Variants in ATP11C observed in about 807,000 individuals in gnomAD.
ATP11C encodes phospholipid-transporting ATPase IG.
Under a neutral mutation model 97.4 loss-of-function variants are expected in ATP11C, and 36 were observed. The ratio of observed to expected loss-of-function variants is 0.37; its 90% CI spans 0.28 to 0.49. ATP11C has a LOEUF of 0.49. Among genes scored for constraint, ATP11C ranks in the 20% least tolerant of loss-of-function variants. The probability of loss-of-function intolerance (pLI) is 0.98; values close to 1 mark genes in which losing one functional copy is unlikely to be tolerated. For missense variants in ATP11C, 730 were observed against 824.6 expected (o/e 0.89, Z 1.40); for synonymous variants, 275 against 290.9 (o/e 0.95, Z 0.56).
At chrX:139,780,374 T>C (rs2082426738) in intron 18 of ATP11C, among the ~76,000 whole-genome samples, 1 of 111,391 alleles carries the variant, frequency 9.0e-6, no homozygotes. Flanking sequence ...GTTTTATTCC[T>C]GGGATGCAAG....
chrX:139,814,748 A>G, intron 5 of ATP11C, 130 bp downstream of exon 5: 1 of 397,606 alleles, frequency 2.5e-6, no homozygotes, highest in Non-Finnish European at 4.2e-6. Flanking sequence ...TTTTCGGGTG[A>G]TGAAAATGTT....
intron 1 of ATP11C, among the ~76,000 whole-genome samples, chrX:139,864,512 T>C (rs945159134): frequency 8.9e-6 from 1 of 112,424 alleles, no homozygotes; most frequent in Admixed American, 9.5e-5. Context: ...ACTAGCAAGA[T>C]ATGTCATCTT....
chrX:139,841,716 T>C (rs989921603), intron 1 of ATP11C, among the ~76,000 whole-genome samples: 1 of 112,178 alleles, frequency 8.9e-6, no homozygotes, highest in Non-Finnish European at 1.9e-5. Flanking sequence ...ATCACAAAAA[T>C]TGCCACTTAT....
chrX:139,803,685 C>CTTT lies in ATP11C; in HGVS notation c.555+783_555+785dup, dbSNP rs140315105. Among the ~76,000 whole-genome samples the CTTT allele has an allele frequency of 5.7e-3, 219 of 38,289 alleles. 23 individuals are homozygous for CTTT. The highest frequency in any genetic ancestry group is 7.6e-3 in the African/African-American group (73 of 9,558). 33.2% of individuals were successfully genotyped at this position (38,289 alleles called of 115,157 possible). A position where few individuals can be genotyped will look rare whatever the true frequency, so the allele number is the denominator to read the frequency against. On this transcript the variant is annotated intron_variant, in intron 6 of 29. Coordinates refer to ENST00000682941, the MANE Select transcript of ATP11C (RefSeq NM_001353812.2). ...AAACATTTTCCAAACTACACCCTAT[C>CTTT]TTTTTTTTTTTTTTTTTTTTTTTTT...
intron 23 of ATP11C, among the ~76,000 whole-genome samples, chrX:139,754,971 C>T (rs1264631755): frequency 1.8e-5 from 2 of 111,703 alleles, no homozygotes; most frequent in Admixed American, 1.9e-4. Context: ...TAACATAGTA[C>T]TGGAAGTCCT....
At position 139,856,228 on chromosome X, in the gene ATP11C, A is replaced by G. The variant is rs769295894; in HGVS notation, c.28-29405T>C. Among the ~76,000 whole-genome samples, 16 of 112,478 alleles carry G rather than the reference A, an allele frequency of 1.4e-4. No individual in the cohort carries two copies. The South Asian group carries it at 5.5e-3, about 38-fold the overall frequency. ...GCTCTTTTCCAGGATTCTACAGCCT[A>G]GAGTAATAAGTCGTGCCAAGCTCTC... On this transcript the variant is annotated intron_variant, in intron 1 of 29. Coordinates refer to ENST00000682941, the MANE Select transcript of ATP11C (RefSeq NM_001353812.2).
intron 5 of ATP11C, among the ~76,000 whole-genome samples, chrX:139,809,361 T>C (rs1212257514): frequency 8.9e-6 from 1 of 112,165 alleles, no homozygotes; most frequent in Non-Finnish European, 1.9e-5. Context: ...TTCTGATACA[T>C]GCTATAACAT....
At chrX:139,750,962 T>C (rs891749306) in intron 23 of ATP11C, among the ~76,000 whole-genome samples, 32 of 112,450 alleles carry the variant, frequency 2.8e-4, no homozygotes, top group African/African-American at 1.0e-3. Context: ...TGCTAAAGAT[T>C]GTCAAACAAA....
At chrX:139,805,949 T>C (rs767804975) in intron 5 of ATP11C, among the ~76,000 whole-genome samples, 4 of 112,526 alleles carry the variant, frequency 3.6e-5, no homozygotes, top group East Asian at 2.8e-4. Flanking sequence ...TAAACACTTA[T>C]GTTGCTTACA....
intron 25 of ATP11C, among the ~76,000 whole-genome samples, chrX:139,745,410 G>A (rs188465997): frequency 0.014 from 1,549 of 111,686 alleles, 17 homozygotes; most frequent in Non-Finnish European, 0.02. Context: ...ACTTTAAAAT[G>A]GGAAAAACCT....
At chrX:139,862,322 C>T (rs1416752534) in intron 1 of ATP11C, among the ~76,000 whole-genome samples, 1 of 111,125 alleles carries the variant, frequency 9.0e-6, no homozygotes, top group Non-Finnish European at 1.9e-5. Context: ...GTAATCAAAC[C>T]CAAGGAGAGG....
intron 29 of ATP11C, among the ~76,000 whole-genome samples, chrX:139,730,294 G>C (rs1229802190): frequency 9.0e-6 from 1 of 111,068 alleles, no homozygotes; most frequent in Non-Finnish European, 1.9e-5. Flanking sequence ...GCAATCCAGG[G>C]GGATACAAAA....
intron 5 of ATP11C, among the ~76,000 whole-genome samples, chrX:139,813,916 A>C (rs1481011090): frequency 1.8e-5 from 2 of 111,145 alleles, no homozygotes; most frequent in Non-Finnish European, 3.8e-5. Context: ...ACCAAGAGTG[A>C]CCCCTAATAT....
At chrX:139,875,831 A>G (rs1324165586) in intron 1 of ATP11C, among the ~76,000 whole-genome samples, 2 of 111,806 alleles carry the variant, frequency 1.8e-5, no homozygotes, top group Non-Finnish European at 3.8e-5. Context: ...ACTGAGGTAC[A>G]GGGAGATTAA....
chrX:139,788,906 G>T (rs1324442865), intron 13 of ATP11C, among the ~76,000 whole-genome samples: 1 of 111,827 alleles, frequency 8.9e-6, no homozygotes, highest in East Asian at 2.8e-4. Context: ...TCCAACAATA[G>T]TTATTCTAAA....
At chrX:139,865,500 G>A (rs1338467168) in intron 1 of ATP11C, among the ~76,000 whole-genome samples, 2 of 111,169 alleles carry the variant, frequency 1.8e-5, no homozygotes, top group African/African-American at 3.3e-5. Flanking sequence ...GGTGGCTCAC[G>A]CCTGTAATTC....
intron 28 of ATP11C, among the ~76,000 whole-genome samples, chrX:139,735,579 A>G (rs1265909154): frequency 1.7e-4 from 19 of 111,867 alleles, no homozygotes; most frequent in Non-Finnish European, 1.1e-4. Context: ...CACTGAGCAT[A>G]AAGACTAAAA....
chrX:139,795,117 G>A (rs921850761), intron 12 of ATP11C, among the ~76,000 whole-genome samples: 2 of 111,906 alleles, frequency 1.8e-5, no homozygotes, highest in African/African-American at 6.5e-5. Flanking sequence ...GGTCAGGTAC[G>A]GCAGCCCACA....
chrX:139,921,364 G>T lies in ATP11C; in HGVS notation c.27+10652C>A, dbSNP rs144136784. Among the ~76,000 whole-genome samples the T allele has an allele frequency of 5.6e-4, 62 of 111,082 alleles. No individual in the cohort carries two copies. In the East Asian group the frequency reaches 0.017, roughly 30 times the overall value. ...CACGAGATCTGACGGTTTCATAAGGGCCTCTTCCCCCCTTCACTCGGCACT... is the reference window on the plus strand; with the variant it reads ...CACGAGATCTGACGGTTTCATAAGGTCCTCTTCCCCCCTTCACTCGGCACT... On this transcript the variant is annotated intron_variant, in intron 1 of 29. Coordinates refer to ENST00000682941, the MANE Select transcript of ATP11C (RefSeq NM_001353812.2).
Sources: gnomAD v4.1 joint callset for allele counts (sites outside exome capture counted in the v4.1 genomes callset) on GRCh38, gnomAD v4.1.1 for gene constraint, MANE v1.5 for transcripts, NCBI Gene and HGNC (gene_info 2026-07-23, HGNC 2026-07-21) for gene names.